Variants in ZPBP observed in about 807,000 individuals in gnomAD.
The protein encoded by ZPBP is zona pellucida binding protein, also known as zona pellucida-binding protein 1.
In ZPBP, 26 loss-of-function variants were observed where a neutral mutation model predicts 44.8. The observed-to-expected ratio is 0.58, with a 90% CI of 0.43 to 0.81. The LOEUF is 0.81. Ranked by LOEUF, ZPBP falls within the 30% of genes least tolerant of loss-of-function variation. The pLI is 0.00. For missense variants in ZPBP, 409 were observed against 434.0 expected, an observed-to-expected ratio of 0.94 and a Z score of 0.51; for synonymous variants, 174 against 153.2, an observed-to-expected ratio of 1.14 and a Z score of -1.00.
At chr7:49,871,610 C>T (rs1791149246) in intron 2 of ZPBP, among the ~76,000 whole-genome samples, 1 of 151,586 alleles carries the variant, frequency 6.6e-6, no homozygotes, top group Admixed American at 6.6e-5. Flanking sequence ...AAAACAAAAA[C>T]CTCTATGGTT....
At chr7:50,031,967 T>A (rs1433585511) in intron 4 of ZPBP, among the ~76,000 whole-genome samples, 1 of 152,210 alleles carries the variant, frequency 6.6e-6, no homozygotes, top group Non-Finnish European at 1.5e-5. Context: ...CAGGGCGCTC[T>A]GTTGCTACTT....
At chr7:50,085,354 G>A (rs1337487406) in intron 2 of ZPBP, among the ~76,000 whole-genome samples, 2 of 152,086 alleles carry the variant, frequency 1.3e-5, no homozygotes, top group Admixed American at 1.3e-4. Context: ...CCCTGTCTGT[G>A]GTTCTTTTGT....
rs532403582 is a variant in ZPBP, at chr7:49,987,608, T to TTAA, written c.784-4090_784-4089insTTA. On this transcript the variant is annotated intron_variant, in intron 6 of 7. Transcript: ENST00000046087. ...AAACTGCATGCTTTCCTAGCCTTGC[T>TTAA]TTAAGCCTTTTTAGCCTTAGAGAGT... Among the ~76,000 whole-genome samples the TTAA allele has an allele frequency of 2.0e-3, 303 of 152,298 alleles. 1 individual carries two copies. Among genetic ancestry groups the TTAA allele is most frequent in the African/African-American group, 7.0e-3 (292 of 41,566 alleles).
intron 3 of ZPBP, among the ~76,000 whole-genome samples, chr7:50,076,065 G>A: frequency 6.6e-6 from 1 of 151,816 alleles, no homozygotes; most frequent in Non-Finnish European, 1.5e-5. Context: ...ATTACCAAGT[G>A]GGACTTATTC....
intron 2 of ZPBP, among the ~76,000 whole-genome samples, chr7:50,085,256 C>G (rs1251962961): frequency 6.6e-6 from 1 of 152,072 alleles, no homozygotes; most frequent in African/African-American, 2.4e-5. Flanking sequence ...TCTTCAAAGT[C>G]TTCAGAAGAA....
intron 2 of ZPBP, among the ~76,000 whole-genome samples, chr7:49,862,215 TTTA>T (rs1368186430): frequency 2.0e-5 from 3 of 152,198 alleles, no homozygotes; most frequent in Admixed American, 6.5e-5. Context: ...TCCTAGATAT[TTTA>T]TTATTTTAGA....
At chr7:49,877,476 AAAAAAATATAT>A (rs1443656898) in intron 2 of ZPBP, among the ~76,000 whole-genome samples, 5 of 43,892 alleles carry the variant, frequency 1.1e-4, no homozygotes, top group South Asian at 1.1e-3. Context: ...AAAAAAAAAA[AAAAAAATATAT>A]ATATATATAT....
At chr7:49,938,228 A>G (rs1424188644) in intron 7 of ZPBP, among the ~76,000 whole-genome samples, 3 of 151,706 alleles carry the variant, frequency 2.0e-5, no homozygotes, top group Non-Finnish European at 4.4e-5. Flanking sequence ...TTTTAGGTGG[A>G]AAGAGACTGC....
At chr7:50,074,780 T>A (rs1255908359) in intron 3 of ZPBP, among the ~76,000 whole-genome samples, 1 of 151,842 alleles carries the variant, frequency 6.6e-6, no homozygotes, top group African/African-American at 2.4e-5. Context: ...AAAATATTAT[T>A]AGAGCTAAAG....
intron 4 of ZPBP, 108 bp from the exon 5 acceptor site, chr7:50,031,418 GT>G: frequency 1.2e-6 from 1 of 829,964 alleles, no homozygotes; most frequent in Non-Finnish European, 1.9e-6. Flanking sequence ...CTTGGTACAT[GT>G]TTTTAGATAT....
intron 2 of ZPBP, among the ~76,000 whole-genome samples, chr7:49,882,061 AT>A (rs960140078): frequency 1.3e-5 from 2 of 152,146 alleles, no homozygotes; most frequent in Non-Finnish European, 2.9e-5. Flanking sequence ...TTGCTCATAA[AT>A]TTTTGTTTTA....
chr7:50,032,685 C>G (rs1799655885), intron 4 of ZPBP, among the ~76,000 whole-genome samples: 1 of 152,166 alleles, frequency 6.6e-6, no homozygotes, highest in Non-Finnish European at 1.5e-5. Flanking sequence ...GTCTTCTTAA[C>G]CGATGCACTG....
chr7:49,879,715 TGGTTCTTGTTTTATTTCTTTCCATGGTTA>T lies in ZPBP; in HGVS notation n.509+21374_509+21402del, dbSNP rs1460520173. On this transcript the variant is annotated intron_variant and non_coding_transcript_variant, in intron 2 of 2. Transcript: ENST00000465922. Reference sequence around the variant, plus strand: ...CTAGTACATAGTAATTCTTTCTCTTTGGTTCTTGTTTTATTTCTTTCCATGGTTATTTTTTTAAATAGGCCCTTTGCTAT... The same window carrying T: ...CTAGTACATAGTAATTCTTTCTCTTTTTTTTTTAAATAGGCCCTTTGCTAT... 6.2e-3 allele frequency among the ~76,000 whole-genome samples: 940 copies of T among 152,242 alleles called. 7 individuals carry two copies. The highest frequency in any genetic ancestry group is 0.021 in the African/African-American group (877 of 41,514).
intron 3 of ZPBP, among the ~76,000 whole-genome samples, chr7:50,079,407 T>A (rs548398096): frequency 6.6e-6 from 1 of 151,766 alleles, no homozygotes; most frequent in East Asian, 1.9e-4. Flanking sequence ...GTATTTATTA[T>A]TTTTATAAAA....
chr7:50,055,854 G>C (rs1176998862), intron 4 of ZPBP, among the ~76,000 whole-genome samples: 2 of 152,076 alleles, frequency 1.3e-5, no homozygotes, highest in Admixed American at 1.3e-4. Flanking sequence ...ATGTACTTAT[G>C]AGTGATTCTG....
chr7:49,997,129 T>A (rs1797880949), intron 6 of ZPBP, among the ~76,000 whole-genome samples: 1 of 152,144 alleles, frequency 6.6e-6, no homozygotes. Context: ...CCAATGTGAG[T>A]GAGTAGGTCT....
intron 1 of ZPBP, among the ~76,000 whole-genome samples, chr7:49,928,144 C>T (rs1286632741): frequency 6.6e-6 from 1 of 152,132 alleles, no homozygotes; most frequent in Non-Finnish European, 1.5e-5. Flanking sequence ...GTTTTCATGG[C>T]CACTTTGTTC....
At chr7:49,943,425 G>T in intron 7 of ZPBP, 1 of 415,422 alleles carries the variant, frequency 2.4e-6, no homozygotes, top group South Asian at 2.0e-5. Context: ...GGACCACATT[G>T]CAAACTTTCT....
At chr7:49,903,457 T>A (rs1792887766) in intron 1 of ZPBP, among the ~76,000 whole-genome samples, 1 of 152,156 alleles carries the variant, frequency 6.6e-6, no homozygotes, top group Non-Finnish European at 1.5e-5. Context: ...TCTCAAAGGC[T>A]TTATGCTGAG....
Sources: gnomAD v4.1 joint callset for allele counts (sites outside exome capture counted in the v4.1 genomes callset) on GRCh38, gnomAD v4.1.1 for gene constraint, MANE v1.5 for transcripts, NCBI Gene and HGNC (gene_info 2026-07-23, HGNC 2026-07-21) for gene names.